Variants in KCNK12 observed in about 807,000 individuals in gnomAD.
KCNK12 encodes the protein potassium channel subfamily K member 12.
Under a neutral mutation model 25.3 loss-of-function variants are expected in KCNK12, and 6 were observed. The observed-to-expected ratio is 0.24, with a 90% confidence interval of 0.13 to 0.47. KCNK12 has a LOEUF of 0.47. KCNK12 is among the 20% of genes least tolerant of loss of function. The pLI is 0.99. For missense variants in KCNK12, 444 were observed against 661.7 expected, an observed-to-expected ratio of 0.67 and a Z score of 3.61; for synonymous variants, 331 against 311.1, an observed-to-expected ratio of 1.06 and a Z score of -0.67.
At position 47,515,233 on chromosome 2, in the gene KCNK12, G is replaced by A. The variant is rs1215989413; in HGVS notation, c.*5674C>T. On this transcript the variant is annotated 3_prime_UTR_variant, in exon 2 of 2. Coordinates refer to ENST00000327876, the MANE Select transcript of KCNK12 (RefSeq NM_022055.2). ...GTCTTGGCTGGAAGCTAACAGGAAG[G>A]CCTCTTTCCAGAAACACTGTAAGCC... is the stretch of plus-strand genomic sequence containing the variant. Among the ~76,000 whole-genome samples, 1 of 152,156 alleles carries A rather than the reference G, an allele frequency of 6.6e-6. No individual in the cohort carries two copies. Among genetic ancestry groups the A allele is most frequent in the African/African-American group, 2.4e-5 (1 of 41,434 alleles).
At chr2:47,527,512 T>C (rs1033766464) in intron 1 of KCNK12, 2 of 152,534 alleles carry the variant, frequency 1.3e-5, no homozygotes, top group East Asian at 1.9e-4. Context: ...GCTGGGGTAC[T>C]CATTGGCCTC....
chr2:47,535,463 C>T (rs1245430254), intron 1 of KCNK12, among the ~76,000 whole-genome samples: 3 of 152,166 alleles, frequency 2.0e-5, no homozygotes, highest in Non-Finnish European at 4.4e-5. Flanking sequence ...TGGGGGCGCA[C>T]CCCTCCTCTA....
At chr2:47,553,165 A>G (rs975062998) in intron 1 of KCNK12, among the ~76,000 whole-genome samples, 2 of 152,230 alleles carry the variant, frequency 1.3e-5, no homozygotes, top group African/African-American at 4.8e-5. Flanking sequence ...GCAAGAGTAT[A>G]TAGCTCTTCA....
rs904886781 is a variant in KCNK12, at chr2:47,525,796, G to T, written c.392-3988C>A. ...GGGCAGTGCCCACTCAGGGAATGGG[G>T]CAGGGAGTGGTCCCTGTGCAGGGCT... On this transcript the variant is annotated intron_variant, in intron 1 of 1. Transcript: ENST00000327876. This position sits in a 1 kb window ranked among gnomAD's most constrained non-coding sequence, Gnocchi z 4.1. Among the ~76,000 whole-genome samples, 1 of 152,176 alleles carries T rather than the reference G, an allele frequency of 6.6e-6. No homozygotes were observed. The highest frequency in any genetic ancestry group is 2.4e-5 in the African/African-American group (1 of 41,444).
rs1558543208 is a variant in KCNK12 at position 47,515,158 on chromosome 2, G to A, written c.*5749C>T. Among the ~76,000 whole-genome samples the A allele has an allele frequency of 6.6e-6, 1 of 152,226 alleles. No individual in the cohort carries two copies. Among genetic ancestry groups the A allele is most frequent in the Non-Finnish European group, 1.5e-5 (1 of 68,038 alleles). On this transcript the variant is annotated 3_prime_UTR_variant, in exon 2 of 2. Transcript: ENST00000327876. ...GGAGACCCCAACAGAGAGGAGAGCT[G>A]ATGGGTGACGAGAAATCAGGCCTCT... is the stretch of plus-strand genomic sequence containing the variant.
At chr2:47,539,982 G>T (rs925063693) in intron 1 of KCNK12, among the ~76,000 whole-genome samples, 3 of 152,210 alleles carry the variant, frequency 2.0e-5, no homozygotes, top group African/African-American at 7.2e-5. Context: ...CTACTCACTG[G>T]TGGCTGTCAG....
chr2:47,568,989 A>T (rs1669836015), intron 1 of KCNK12, among the ~76,000 whole-genome samples: 1 of 151,760 alleles, frequency 6.6e-6, no homozygotes, highest in South Asian at 2.1e-4. Context: ...AAAGTGAGTG[A>T]GAGGAGAGGA....
Position 47,566,983 on chromosome 2 carries a change from T to C in KCNK12, c.391+2958A>G, listed in dbSNP as rs568795968. 2.6e-5 allele frequency: 4 copies of C among 152,256 alleles called. No homozygotes were observed. The highest frequency in any genetic ancestry group is 1.5e-5 in the Non-Finnish European group (1 of 68,048). The allele number at this position is 152,256 out of a possible 1,614,324, so 9.4% of individuals were successfully genotyped here. A position where few individuals can be genotyped will look rare whatever the true frequency, so the allele number is the denominator to read the frequency against. ...ATAAATGCTGTGATCCAGCTGCCCA[T>C]GTTGGAATATGCCTTAATCTCTGCC... On this transcript the variant is annotated intron_variant, in intron 1 of 1. Coordinates refer to ENST00000327876, the MANE Select transcript of KCNK12 (RefSeq NM_022055.2). The surrounding 1 kb of genome is among the most constrained non-coding windows in gnomAD (Gnocchi z 4.1).
rs889752345 is a variant in KCNK12, at chr2:47,525,409, G to T, written c.392-3601C>A. ...ACTTCCTAGCTGGCTGGGCACAGCC[G>T]CTCACAGGCCTACCCAGAGTGGAGC... is the stretch of plus-strand genomic sequence containing the variant. On this transcript the variant is annotated intron_variant, in intron 1 of 1. Transcript: ENST00000327876. The surrounding 1 kb of genome is among the most constrained non-coding windows in gnomAD (Gnocchi z 4.1). Among the ~76,000 whole-genome samples the T allele has an allele frequency of 6.6e-6, 1 of 152,198 alleles. No individual in the cohort carries two copies. Among genetic ancestry groups the T allele is most frequent in the East Asian group, 1.9e-4 (1 of 5,188 alleles).
chr2:47,536,487 A>G (rs749389707), intron 1 of KCNK12, among the ~76,000 whole-genome samples: 5 of 152,208 alleles, frequency 3.3e-5, no homozygotes, highest in Non-Finnish European at 7.3e-5. Flanking sequence ...CTGTACCAGA[A>G]ACATTGTCTC....
At chr2:47,530,707 G>C (rs1012801354) in intron 1 of KCNK12, among the ~76,000 whole-genome samples, 1 of 152,118 alleles carries the variant, frequency 6.6e-6, no homozygotes, top group South Asian at 2.1e-4. Flanking sequence ...TACAGTCAAT[G>C]GCCTGATAGT....
chr2:47,513,513 C>A lies in KCNK12; in HGVS notation c.*7394G>T, dbSNP rs934394624. On this transcript the variant is annotated 3_prime_UTR_variant, in exon 2 of 2. Coordinates refer to ENST00000327876, the MANE Select transcript of KCNK12 (RefSeq NM_022055.2). ...GTGATCCTCTTTTTATCTCATTCTA[C>A]ACACTCACAGCCTGAGTAATTCACA... is the stretch of plus-strand genomic sequence containing the variant. 6.6e-6 allele frequency among the ~76,000 whole-genome samples: 1 copy of A among 152,172 alleles called. No individual in the cohort carries two copies. Among genetic ancestry groups the A allele is most frequent in the South Asian group, 2.1e-4 (1 of 4,832 alleles).
intron 1 of KCNK12, among the ~76,000 whole-genome samples, chr2:47,531,802 G>C (rs935230914): frequency 6.6e-6 from 1 of 152,200 alleles, no homozygotes; most frequent in Non-Finnish European, 1.5e-5. Flanking sequence ...CCTCACTCCT[G>C]TGATAAGACA....
intron 1 of KCNK12, among the ~76,000 whole-genome samples, chr2:47,526,357 G>A (rs1407733590): frequency 2.7e-5 from 4 of 148,128 alleles, no homozygotes; most frequent in African/African-American, 5.0e-5. Flanking sequence ...AGTGAGCCGA[G>A]ATTGCGCCAC....
rs1212111420 is a variant in KCNK12 at position 47,533,609 on chromosome 2, C to T, written c.392-11801G>A. ...TCCTACCTCGCTGGGCCTCCATCTC[C>T]CCACCTCTGGCTCACTTCCTGCTTT... On this transcript the variant is annotated intron_variant, in intron 1 of 1. Coordinates refer to ENST00000327876, the MANE Select transcript of KCNK12 (RefSeq NM_022055.2). This position sits in a 1 kb window ranked among gnomAD's most constrained non-coding sequence, Gnocchi z 4.7. Among the ~76,000 whole-genome samples, 1 of 152,236 alleles carries T rather than the reference C, an allele frequency of 6.6e-6. No individual in the cohort carries two copies. Among genetic ancestry groups the T allele is most frequent in the Non-Finnish European group, 1.5e-5 (1 of 68,044 alleles).
At position 47,517,455 on chromosome 2, in the gene KCNK12, ATTT is replaced by A. The variant is rs1041645059; in HGVS notation, c.*3449_*3451del. 1.3e-5 allele frequency: 2 copies of A among 152,120 alleles called. No individual in the cohort carries two copies. Among genetic ancestry groups the A allele is most frequent in the African/African-American group, 4.8e-5 (2 of 41,422 alleles). The allele number at this position is 152,120 out of a possible 1,614,324, so 9.4% of individuals were successfully genotyped here. On this transcript the variant is annotated 3_prime_UTR_variant, in exon 2 of 2. Transcript: ENST00000327876. This position sits in a 1 kb window ranked among gnomAD's most constrained non-coding sequence, Gnocchi z 4.1. ...TAAAACTCCCCCAAGGCAGAGAGGG[ATTT>A]TCCAGGCCCTGGTACATCTCTAGAG...
chr2:47,532,072 C>T (rs146651192), intron 1 of KCNK12, among the ~76,000 whole-genome samples: 79 of 152,188 alleles, frequency 5.2e-4, no homozygotes, highest in African/African-American at 1.9e-3. Flanking sequence ...AAACAAAAAA[C>T]AATATTCATT....
chr2:47,549,771 TA>T (rs1669386830), intron 1 of KCNK12, among the ~76,000 whole-genome samples: 1 of 151,978 alleles, frequency 6.6e-6, no homozygotes, highest in Non-Finnish European at 1.5e-5. Flanking sequence ...CCGTCTCTAC[TA>T]AAAATACAAA....
rs967092047 is a variant in KCNK12 at position 47,516,915 on chromosome 2, C to T, written c.*3992G>A. ...GGGGCAAGAGTCCAGGCCCCAAGTC[C>T]ATGCTGATGAGCCCACCCTGGGGGT... On this transcript the variant is annotated 3_prime_UTR_variant, in exon 2 of 2. Coordinates refer to ENST00000327876, the MANE Select transcript of KCNK12 (RefSeq NM_022055.2). 2 of 152,194 alleles carry T rather than the reference C, an allele frequency of 1.3e-5. No individual in the cohort carries two copies. Among genetic ancestry groups the T allele is most frequent in the Non-Finnish European group, 2.9e-5 (2 of 68,070 alleles). 9.4% of individuals were successfully genotyped at this position (152,194 alleles called of 1,614,324 possible).
Sources: gnomAD v4.1 joint callset for allele counts (sites outside exome capture counted in the v4.1 genomes callset) on GRCh38, gnomAD v4.1.1 for gene constraint, Gnocchi (gnomAD v3.1) non-coding constraint, MANE v1.5 for transcripts, NCBI Gene and HGNC (gene_info 2026-07-23, HGNC 2026-07-21) for gene names.